SEMA5B: variants seen among roughly 807,000 people sequenced by gnomAD.
SEMA5B encodes semaphorin 5B, also known as semaphorin-5B.
A neutral mutation model predicts 135.0 loss-of-function variants in SEMA5B; 66 were observed. That is an observed-to-expected ratio of 0.49 (90% CI 0.40 to 0.60). The LOEUF is 0.60. Ranked by LOEUF, SEMA5B falls within the 20% of genes least tolerant of loss-of-function variation. The pLI is 0.00. For missense variants in SEMA5B, 1,501 were observed against 1,566.3 expected (o/e 0.96, Z 0.70); for synonymous variants, 690 against 639.5 (o/e 1.08, Z -1.19).
At chr3:122,961,023 G>T in intron 2 of SEMA5B, 117 bp downstream of exon 2, 1 of 1,065,038 alleles carries the variant, frequency 9.4e-7, no homozygotes, top group Non-Finnish European at 1.3e-6. Context: ...CTCAAATACA[G>T]TGGACTGAGG....
chr3:122,935,686 C>CTTTCTTTTTTTTTTTTT (rs1939233868), intron 5 of SEMA5B, among the ~76,000 whole-genome samples: 11 of 70,258 alleles, frequency 1.6e-4, no homozygotes, highest in South Asian at 5.9e-4. Flanking sequence ...TTCTTTCTTT[C>CTTTCTTTTTTTTTTTTT]TTTTTTTTTT....
chr3:122,994,101 C>T (rs1038498138), intron 1 of SEMA5B, among the ~76,000 whole-genome samples: 5 of 151,962 alleles, frequency 3.3e-5, no homozygotes, highest in Admixed American at 6.5e-5. Context: ...GCCATCAGCC[C>T]GGCACCACTA....
At chr3:122,963,201 T>C (rs1320906923) in intron 1 of SEMA5B, among the ~76,000 whole-genome samples, 1 of 152,142 alleles carries the variant, frequency 6.6e-6, no homozygotes, top group African/African-American at 2.4e-5. Flanking sequence ...TTATTAGAGA[T>C]AAGAATCCAA....
intron 1 of SEMA5B, among the ~76,000 whole-genome samples, chr3:122,963,435 G>A (rs1940676495): frequency 6.6e-6 from 1 of 151,450 alleles, no homozygotes; most frequent in African/African-American, 2.4e-5. Context: ...GGAGGTTGTA[G>A]TGAGCCAAGA....
intron 1 of SEMA5B, among the ~76,000 whole-genome samples, chr3:122,971,595 C>T (rs998605081): frequency 1.3e-5 from 2 of 152,260 alleles, no homozygotes; most frequent in Non-Finnish European, 2.9e-5. Flanking sequence ...GTCTTATTTA[C>T]CTCTGGATCC....
chr3:123,022,694 C>T (rs1297108273), intron 1 of SEMA5B, among the ~76,000 whole-genome samples: 1 of 152,202 alleles, frequency 6.6e-6, no homozygotes, highest in Non-Finnish European at 1.5e-5. Flanking sequence ...ACTTTGAAGC[C>T]ACCAAGTCGA....
chr3:122,931,379 T>A (rs1044628004), intron 5 of SEMA5B, among the ~76,000 whole-genome samples: 1 of 152,170 alleles, frequency 6.6e-6, no homozygotes, highest in African/African-American at 2.4e-5. Flanking sequence ...ACAGTTTTAA[T>A]TAAAATCAAC....
intron 2 of SEMA5B, among the ~76,000 whole-genome samples, chr3:122,949,713 G>T (rs1299381363): frequency 6.6e-6 from 1 of 152,138 alleles, no homozygotes; most frequent in Non-Finnish European, 1.5e-5. Context: ...TCAGATTGGT[G>T]TTCTAGGTAT....
intron 1 of SEMA5B, among the ~76,000 whole-genome samples, chr3:123,006,968 A>G (rs911431428): frequency 1.3e-5 from 2 of 152,200 alleles, no homozygotes; most frequent in African/African-American, 4.8e-5. Flanking sequence ...GGTCTAAACT[A>G]TAATGGAATA....
At position 122,910,433 on chromosome 3, in the gene SEMA5B, C is replaced by T. The variant is rs561157034; in HGVS notation, c.3298-132G>A. The stretch of plus-strand genomic sequence containing the variant: ...TGCGGATCCAGTGCTCTGTTCACAC[C>T]ACCACTGCCCAGTTCCACCCAGCTG... On this transcript the variant is annotated intron_variant, in intron 22 of 22. Coordinates refer to ENST00000357599, the MANE Select transcript of SEMA5B (RefSeq NM_001031702.4). The T allele has an allele frequency of 8.9e-6, 8 of 896,810 alleles. No individual in the cohort carries two copies. The East Asian group carries it at 1.8e-4, about 20-fold the overall frequency. 55.6% of individuals were successfully genotyped at this position (896,810 alleles called of 1,614,324 possible). A position where few individuals can be genotyped will look rare whatever the true frequency, so the allele number is the denominator to read the frequency against.
At chr3:122,930,440 A>G (rs903458076) in intron 5 of SEMA5B, among the ~76,000 whole-genome samples, 3 of 152,268 alleles carry the variant, frequency 2.0e-5, no homozygotes, top group South Asian at 2.1e-4. Context: ...CTCAGGACCC[A>G]TCAACTCCCA....
At chr3:122,917,066 A>G (rs182551221) in intron 12 of SEMA5B, among the ~76,000 whole-genome samples, 64 of 152,350 alleles carry the variant, frequency 4.2e-4, no homozygotes, top group African/African-American at 1.4e-3. Context: ...GGGATTATGG[A>G]ATCAGGCTTT....
intron 1 of SEMA5B, chr3:122,975,907 C>A: frequency 6.7e-7 from 1 of 1,481,572 alleles, no homozygotes; most frequent in South Asian, 1.3e-5. Flanking sequence ...CCTCAGACTC[C>A]CTCTCCTGCC....
intron 1 of SEMA5B, among the ~76,000 whole-genome samples, chr3:123,018,629 C>T (rs1054051335): frequency 3.3e-5 from 5 of 152,222 alleles, no homozygotes; most frequent in African/African-American, 9.6e-5. Flanking sequence ...ATCACCTTGT[C>T]GGCTCTGATG....
chr3:122,914,085 T>G, intron 14 of SEMA5B, 84 bp from the exon 15 acceptor site: 1 of 1,409,590 alleles, frequency 7.1e-7, no homozygotes, highest in South Asian at 1.5e-5. Flanking sequence ...CCGATGTATT[T>G]TCTACTGCTG....
chr3:122,937,966 C>A (rs1041368733), intron 5 of SEMA5B, among the ~76,000 whole-genome samples: 2 of 152,160 alleles, frequency 1.3e-5, no homozygotes, highest in African/African-American at 4.8e-5. Flanking sequence ...CTGGGTTTGG[C>A]AACTTGGCTT....
At chr3:122,919,631 A>G (rs1938251574) in intron 12 of SEMA5B, among the ~76,000 whole-genome samples, 2 of 152,212 alleles carry the variant, frequency 1.3e-5, no homozygotes, top group Admixed American at 1.3e-4. Context: ...ACAGCAGTGC[A>G]AATTCTAATA....
intron 2 of SEMA5B, among the ~76,000 whole-genome samples, chr3:122,955,109 T>G (rs992193748): frequency 6.0e-5 from 9 of 150,840 alleles, no homozygotes; most frequent in Non-Finnish European, 1.5e-5. Flanking sequence ...AGTCATCATC[T>G]TCTTCTTTTT....
chr3:122,958,670 G>T (rs1165501669), intron 2 of SEMA5B, among the ~76,000 whole-genome samples: 1 of 152,172 alleles, frequency 6.6e-6, no homozygotes. Flanking sequence ...TAGACCATCT[G>T]GGGGACTGGG....
Sources: gnomAD v4.1 joint callset for allele counts (sites outside exome capture counted in the v4.1 genomes callset) on GRCh38, gnomAD v4.1.1 for gene constraint, MANE v1.5 for transcripts, NCBI Gene and HGNC (gene_info 2026-07-23, HGNC 2026-07-21) for gene names.